The following HTR4 variants were observed in gnomAD, a reference collection of about 807,000 sequenced individuals.
The protein encoded by HTR4 is 5-hydroxytryptamine receptor 4.
Under a neutral mutation model 36.8 loss-of-function variants are expected in HTR4, and 16 were observed. The observed-to-expected ratio is 0.43, with a 90% CI of 0.29 to 0.66. HTR4 has a LOEUF of 0.66. Among genes scored for constraint, HTR4 ranks in the 30% least tolerant of loss-of-function variants. The pLI is 0.13. For synonymous variants in HTR4, 189 were observed against 185.1 expected, an observed-to-expected ratio of 1.02 and a Z score of -0.17; for missense variants, 438 against 490.9, an observed-to-expected ratio of 0.89 and a Z score of 1.02.
At chr5:148,624,355 C>T (rs892426174) in intron 2 of HTR4, among the ~76,000 whole-genome samples, 3 of 152,084 alleles carry the variant, frequency 2.0e-5, no homozygotes, top group African/African-American at 7.2e-5. Flanking sequence ...TTCTGCACCT[C>T]AATATGAAAT....
At chr5:148,496,352 C>A (rs1756684935) in intron 6 of HTR4, among the ~76,000 whole-genome samples, 1 of 152,032 alleles carries the variant, frequency 6.6e-6, no homozygotes. Context: ...GAGTGATCTG[C>A]AGATCATGCT....
At chr5:148,526,873 G>A (rs1758301427) in intron 4 of HTR4, among the ~76,000 whole-genome samples, 1 of 152,052 alleles carries the variant, frequency 6.6e-6, no homozygotes, top group African/African-American at 2.4e-5. Flanking sequence ...CAGGCTGGGA[G>A]GGGTAGTATG....
At chr5:148,525,046 G>A (rs1758199655) in intron 4 of HTR4, among the ~76,000 whole-genome samples, 1 of 152,134 alleles carries the variant, frequency 6.6e-6, no homozygotes, top group South Asian at 2.1e-4. Flanking sequence ...GTCCTGATCT[G>A]GGCCAGAGTG....
rs974940327 is a variant in HTR4 at position 148,596,682 on chromosome 5, G to A, written c.26+40307C>T. Among the ~76,000 whole-genome samples the A allele has an allele frequency of 4.0e-5, 6 of 151,744 alleles. No individual in the cohort carries two copies. The South Asian group carries it at 1.2e-3, about 32-fold the overall frequency. Reference sequence around the variant, plus strand: ...TTGCCAAATGTCCCCTGGTGGTGGAGGGAGGGGGGTGGGAGGTGCCCCAGT... The same window carrying A: ...TTGCCAAATGTCCCCTGGTGGTGGAAGGAGGGGGGTGGGAGGTGCCCCAGT... On this transcript the variant is annotated intron_variant, in intron 2 of 6. Coordinates refer to ENST00000377888, the MANE Select transcript of HTR4 (RefSeq NM_000870.7).
intron 6 of HTR4, among the ~76,000 whole-genome samples, chr5:148,501,099 T>C (rs958435002): frequency 6.6e-6 from 1 of 152,198 alleles, no homozygotes; most frequent in Admixed American, 6.5e-5. Flanking sequence ...AATACTTACA[T>C]GCCCACTAAC....
At chr5:148,636,649 T>C (rs1418364107) in intron 2 of HTR4, among the ~76,000 whole-genome samples, 1 of 152,186 alleles carries the variant, frequency 6.6e-6, no homozygotes, top group Non-Finnish European at 1.5e-5. Context: ...TTGTCTCAAG[T>C]TTAGATATAC....
At chr5:148,537,642 G>A (rs2113825480) in intron 4 of HTR4, among the ~76,000 whole-genome samples, 1 of 152,170 alleles carries the variant, frequency 6.6e-6, no homozygotes, top group Middle Eastern at 3.4e-3. Flanking sequence ...TAGAAGAGAT[G>A]GATAAATTCC....
In HTR4 at chr5:148,637,051, C is replaced by T. The variant is rs1473907635; in HGVS notation, c.-37G>A. Reference sequence around the variant, plus strand: ...AGCATGAGTGAGTTGGATTTCAATGCCCACAGGGTCCTAAAATGGGGGAAG... The same window carrying T: ...AGCATGAGTGAGTTGGATTTCAATGTCCACAGGGTCCTAAAATGGGGGAAG... On this transcript the variant is annotated 5_prime_UTR_variant, in exon 2 of 7. Coordinates refer to ENST00000377888, the MANE Select transcript of HTR4 (RefSeq NM_000870.7). The T allele has an allele frequency of 1.9e-6, 3 of 1,604,898 alleles. No homozygotes were observed. The highest frequency in any genetic ancestry group is 2.2e-5 in the East Asian group (1 of 44,728).
At chr5:148,580,879 T>C (rs1295691314) in intron 2 of HTR4, among the ~76,000 whole-genome samples, 1 of 152,100 alleles carries the variant, frequency 6.6e-6, no homozygotes, top group African/African-American at 2.4e-5. Context: ...TTGGGTTATA[T>C]AGCCAGAATT....
At chr5:148,579,848 C>T (rs35805185) in intron 2 of HTR4, among the ~76,000 whole-genome samples, 35,743 of 151,990 alleles carry the variant, frequency 0.24, 5,118 homozygotes, top group Non-Finnish European at 0.32. Flanking sequence ...AAATTCACAT[C>T]GCTGATTTCT....
At chr5:148,459,495 C>T (rs1433342750) in intron 5 of HTR4, among the ~76,000 whole-genome samples, 1 of 152,090 alleles carries the variant, frequency 6.6e-6, no homozygotes, top group Non-Finnish European at 1.5e-5. Context: ...AACTCCAGCC[C>T]CCTTAAGCCA....
intron 4 of HTR4, among the ~76,000 whole-genome samples, chr5:148,542,365 C>T (rs1759159827): frequency 6.6e-6 from 1 of 152,148 alleles, no homozygotes; most frequent in African/African-American, 2.4e-5. Flanking sequence ...ATTACAAAAT[C>T]GAATTATACT....
At chr5:148,455,121 A>T (rs549424869) in intron 5 of HTR4, among the ~76,000 whole-genome samples, 2 of 152,174 alleles carry the variant, frequency 1.3e-5, no homozygotes, top group South Asian at 4.1e-4. Flanking sequence ...TATACAATTT[A>T]CTTTTTATAC....
chr5:148,631,410 G>A (rs890034184), intron 2 of HTR4, among the ~76,000 whole-genome samples: 4 of 152,136 alleles, frequency 2.6e-5, no homozygotes, highest in South Asian at 2.1e-4. Context: ...ATGCCTTAAA[G>A]TTGCACATGT....
chr5:148,564,438 C>T (rs1370230250), intron 2 of HTR4, among the ~76,000 whole-genome samples: 4 of 152,190 alleles, frequency 2.6e-5, no homozygotes, highest in African/African-American at 9.7e-5. Context: ...TGCCTCCCAA[C>T]CACACTAACT....
At chr5:148,500,493 G>A (rs1029460452) in intron 6 of HTR4, among the ~76,000 whole-genome samples, 1 of 151,870 alleles carries the variant, frequency 6.6e-6, no homozygotes, top group East Asian at 1.9e-4. Context: ...AAGGAAGCTA[G>A]GCCAACTCTA....
Position 148,503,843 on chromosome 5 carries a change from C to G in HTR4, c.1076+5613G>C, listed in dbSNP as rs138208983. ...ACAAAAAAAAGGCAGGGCTTGCAAT[C>G]CTAGTCTCTGATAAAACAAACTTTA... is the stretch of plus-strand genomic sequence containing the variant. On this transcript the variant is annotated intron_variant, in intron 6 of 6. Coordinates refer to ENST00000377888, the MANE Select transcript of HTR4 (RefSeq NM_000870.7). Among the ~76,000 whole-genome samples, 541 of 152,204 alleles carry G rather than the reference C, an allele frequency of 3.6e-3. 1 individual carries two copies. Among genetic ancestry groups the G allele is most frequent in the African/African-American group, 0.012 (480 of 41,536 alleles).
At chr5:148,528,665 C>A (rs1435025265) in intron 4 of HTR4, among the ~76,000 whole-genome samples, 4 of 152,076 alleles carry the variant, frequency 2.6e-5, no homozygotes, top group Non-Finnish European at 1.5e-5. Flanking sequence ...GATAACTTGA[C>A]TTTTATATAT....
At chr5:148,648,518 TTGTCTCTATTAC>T (rs1446566517) in intron 1 of HTR4, among the ~76,000 whole-genome samples, 1 of 152,182 alleles carries the variant, frequency 6.6e-6, no homozygotes, top group East Asian at 1.9e-4. Context: ...GAAAGGCAGA[TTGTCTCTATTAC>T]AAGCCACAGT....
Sources: gnomAD v4.1 joint callset for allele counts (sites outside exome capture counted in the v4.1 genomes callset) on GRCh38, gnomAD v4.1.1 for gene constraint, MANE v1.5 for transcripts, NCBI Gene and HGNC (gene_info 2026-07-23, HGNC 2026-07-21) for gene names.